The following GLI2 variants were observed in gnomAD, a reference collection of about 807,000 sequenced individuals.
The protein encoded by GLI2 is GLI family zinc finger 2, also known as transcription activator GLI2.
A neutral mutation model predicts 78.9 loss-of-function variants in GLI2; 22 were observed. That is an observed-to-expected ratio of 0.28 (90% confidence interval 0.20 to 0.40). The LOEUF is 0.40. Among genes scored for constraint, GLI2 ranks in the 10% least tolerant of loss-of-function variants. The pLI, the probability that GLI2 is intolerant of heterozygous loss-of-function variation, is 1.00. For missense variants in GLI2, 2,097 were observed against 2,213.2 expected (o/e 0.95, Z 1.05); for synonymous variants, 974 against 963.7 (o/e 1.01, Z -0.20).
chr2:120,909,538 A>C (rs1456074269), intron 2 of GLI2, among the ~76,000 whole-genome samples: 1 of 152,160 alleles, frequency 6.6e-6, no homozygotes, highest in Non-Finnish European at 1.5e-5. Flanking sequence ...TGCCTCTGTG[A>C]CTGTGGTTAG....
chr2:120,807,427 T>C (rs919537128), intron 2 of GLI2, among the ~76,000 whole-genome samples: 2 of 152,172 alleles, frequency 1.3e-5, no homozygotes, highest in Non-Finnish European at 2.9e-5. Context: ...GCTGTTAGTA[T>C]TATGGTTCTT....
At chr2:120,820,212 A>G (rs1417781292) in intron 2 of GLI2, among the ~76,000 whole-genome samples, 1 of 152,202 alleles carries the variant, frequency 6.6e-6, no homozygotes, top group Non-Finnish European at 1.5e-5. Flanking sequence ...CCTTAAAATC[A>G]GGACAGTGGA....
chr2:120,965,188 A>G (rs1401132103), intron 5 of GLI2, among the ~76,000 whole-genome samples: 18 of 146,932 alleles, frequency 1.2e-4, no homozygotes, highest in East Asian at 6.3e-4. Context: ...CAGATGCTGC[A>G]ACAGAGGGGC....
In GLI2 at chr2:120,968,880, C is replaced by T. The variant is rs188656109; in HGVS notation, c.810C>T (p.Ser270=). The T allele has an allele frequency of 9.3e-6, 15 of 1,613,156 alleles. No homozygotes were observed. Among genetic ancestry groups the T allele is most frequent in the East Asian group, 6.7e-5 (3 of 44,864 alleles). ...ACTCCCGAAGCAGCTCGGCGGCCAG[C>T]GGTTCCTACGGGCATCTGTCAGCGG... ...INNSRSSSAA[S]GSYGHLSAGA... is the part of the protein sequence containing the mutation. Residue 270 remains serine, a synonymous_variant, in exon 6 of 14, where the codon AGC becomes AGT. Coordinates refer to ENST00000361492, the MANE Select transcript of GLI2 (RefSeq NM_001374353.1).
At chr2:120,919,219 A>G (rs1209837288) in intron 2 of GLI2, among the ~76,000 whole-genome samples, 1 of 152,232 alleles carries the variant, frequency 6.6e-6, no homozygotes, top group Non-Finnish European at 1.5e-5. Flanking sequence ...GTTACTTAAT[A>G]TGCAAGGAAT....
intron 1 of GLI2, among the ~76,000 whole-genome samples, chr2:120,782,863 G>A (rs1479355435): frequency 1.3e-5 from 2 of 152,200 alleles, no homozygotes; most frequent in East Asian, 3.9e-4. Flanking sequence ...GAGAACTGCT[G>A]CTGTAGAGGA....
intron 2 of GLI2, among the ~76,000 whole-genome samples, chr2:120,799,914 T>TC (rs887955766): frequency 6.6e-6 from 1 of 151,992 alleles, no homozygotes; most frequent in African/African-American, 2.4e-5. Flanking sequence ...TTGGCGTGGG[T>TC]CCCCCTCAGG....
At chr2:120,736,686 TGG>T in intron 1 of GLI2, among the ~76,000 whole-genome samples, 1 of 152,034 alleles carries the variant, frequency 6.6e-6, no homozygotes, top group South Asian at 2.1e-4. Context: ...CTGCCGTAGG[TGG>T]GCATGGGAGC....
chr2:120,802,573 G>A (rs890875298), intron 2 of GLI2, among the ~76,000 whole-genome samples: 1 of 152,212 alleles, frequency 6.6e-6, no homozygotes, highest in African/African-American at 2.4e-5. Flanking sequence ...TCCAAATGCT[G>A]TTGTATTTTC....
At chr2:120,751,363 G>A (rs1682867402) in intron 1 of GLI2, among the ~76,000 whole-genome samples, 1 of 151,586 alleles carries the variant, frequency 6.6e-6, no homozygotes, top group Non-Finnish European at 1.5e-5. Flanking sequence ...AAACTTTACA[G>A]ATTTTAGATT....
At chr2:120,821,448 A>G (rs1015578758) in intron 2 of GLI2, among the ~76,000 whole-genome samples, 1 of 152,168 alleles carries the variant, frequency 6.6e-6, no homozygotes, top group Non-Finnish European at 1.5e-5. Flanking sequence ...GTAGCTCAGC[A>G]TTGAGGAGGG....
chr2:120,921,011 C>T (rs1679347720), intron 2 of GLI2, among the ~76,000 whole-genome samples: 1 of 151,958 alleles, frequency 6.6e-6, no homozygotes, highest in African/African-American at 2.4e-5. Context: ...TCATGCTCCT[C>T]GTGGGCTTCT....
chr2:120,990,040 G>C lies in GLI2; in HGVS notation c.4075G>C (p.Glu1359Gln). Residue 1359 changes from glutamate to glutamine, a missense_variant, in exon 14 of 14, where the codon GAG (glutamate) becomes CAG (glutamine). Glu to Gln is a conservative substitution (Grantham distance 29). Coordinates refer to ENST00000361492, the MANE Select transcript of GLI2 (RefSeq NM_001374353.1). Reference sequence around the variant, plus strand: ...CCTAGTGCAGCCCCGGCCTCCCCTCGAGCCCAGCCCCACTGGCCGCCACCG... The same window carrying C: ...CCTAGTGCAGCCCCGGCCTCCCCTCCAGCCCAGCCCCACTGGCCGCCACCG... ...FGLVQPRPPL[E>Q]PSPTGRHRGV... 2 of 1,603,918 alleles carry C rather than the reference G, an allele frequency of 1.2e-6. No homozygotes were observed. Among genetic ancestry groups the C allele is most frequent in the South Asian group, 1.1e-5 (1 of 90,090 alleles).
At chr2:120,855,429 A>C (rs1256435741) in intron 2 of GLI2, among the ~76,000 whole-genome samples, 2 of 152,208 alleles carry the variant, frequency 1.3e-5, no homozygotes, top group Non-Finnish European at 2.9e-5. Flanking sequence ...GTCCATCAGC[A>C]TGTGTACCCA....
At chr2:120,862,586 C>T (rs1381162643) in intron 2 of GLI2, among the ~76,000 whole-genome samples, 1 of 152,220 alleles carries the variant, frequency 6.6e-6, no homozygotes, top group Non-Finnish European at 1.5e-5. Context: ...GTGGGTCCAT[C>T]GTGAGCACTT....
chr2:120,889,485 T>C (rs1159300513), intron 2 of GLI2, among the ~76,000 whole-genome samples: 2 of 152,192 alleles, frequency 1.3e-5, no homozygotes, highest in Non-Finnish European at 2.9e-5. Context: ...GATTGACACA[T>C]TGGACCTCGC....
In GLI2 at chr2:120,951,659, C is replaced by T. The variant is rs895228407; in HGVS notation, c.457+214C>T. Reference sequence around the variant, plus strand: ...GGTAAGCACTCTTTTGCATGCAAACCATATATGATCTATTGTAATAATAAC... The same window carrying T: ...GGTAAGCACTCTTTTGCATGCAAACTATATATGATCTATTGTAATAATAAC... On this transcript the variant is annotated intron_variant, in intron 4 of 13. Transcript: ENST00000361492. 1.1e-5 allele frequency: 6 copies of T among 551,194 alleles called. No individual in the cohort carries two copies. In the African/African-American group the frequency reaches 1.1e-4, roughly 10 times the overall value. The allele number at this position is 551,194 out of a possible 1,614,324, so 34.1% of individuals were successfully genotyped here. A position where few individuals can be genotyped will look rare whatever the true frequency, so the allele number is the denominator to read the frequency against.
rs1679430274 is a variant in GLI2, at chr2:120,922,561, T to C, written c.149-4800T>C. On this transcript the variant is annotated intron_variant, in intron 2 of 13. Coordinates refer to ENST00000361492, the MANE Select transcript of GLI2 (RefSeq NM_001374353.1). ...CACCACCCTGAGCCTTGATGTTCTT[T>C]CCTGAAAAATGGGAATAAGAACAAG... Among the ~76,000 whole-genome samples, 3 of 152,274 alleles carry C rather than the reference T, an allele frequency of 2.0e-5. 1 individual carries two copies. Among genetic ancestry groups the C allele is most frequent in the Non-Finnish European group, 1.5e-5 (1 of 68,008 alleles).
intron 1 of GLI2, among the ~76,000 whole-genome samples, chr2:120,770,808 A>G (rs1683499600): frequency 6.6e-6 from 1 of 152,064 alleles, no homozygotes; most frequent in African/African-American, 2.4e-5. Context: ...TATAATGATT[A>G]TGTTTGGGCT....
Sources: gnomAD v4.1 joint callset for allele counts (sites outside exome capture counted in the v4.1 genomes callset) on GRCh38, gnomAD v4.1.1 for gene constraint, MANE v1.5 for transcripts, NCBI Gene and HGNC (gene_info 2026-07-23, HGNC 2026-07-21) for gene names.